Variants in CACNA2D3 observed in about 807,000 individuals in gnomAD.
The protein encoded by CACNA2D3 is voltage-dependent calcium channel subunit alpha-2/delta-3.
In CACNA2D3, 60 loss-of-function variants were observed where a neutral mutation model predicts 160.6. The ratio of observed to expected loss-of-function variants is 0.37; its 90% CI spans 0.30 to 0.46. CACNA2D3 has a LOEUF of 0.46. Ranked by LOEUF, CACNA2D3 falls within the 20% of genes least tolerant of loss-of-function variation. The pLI, the probability that CACNA2D3 is intolerant of heterozygous loss-of-function variation, is 1.00. For missense variants in CACNA2D3, 1,205 were observed against 1,365.0 expected (o/e 0.88, Z 1.85); for synonymous variants, 558 against 492.9 (o/e 1.13, Z -1.75).
chr3:54,605,775 C>T (rs992219588), intron 9 of CACNA2D3, among the ~76,000 whole-genome samples: 7 of 152,124 alleles, frequency 4.6e-5, no homozygotes, highest in African/African-American at 4.8e-5. Flanking sequence ...TCCTAGTGCA[C>T]GTCAGAATTA....
chr3:54,879,949 TC>T (rs1699753499), intron 20 of CACNA2D3, among the ~76,000 whole-genome samples: 1 of 152,234 alleles, frequency 6.6e-6, no homozygotes, highest in South Asian at 2.1e-4. Flanking sequence ...TATGTAGCAT[TC>T]TAAAGTTTCC....
At chr3:54,644,515 G>A (rs925928371) in intron 11 of CACNA2D3, among the ~76,000 whole-genome samples, 4 of 152,168 alleles carry the variant, frequency 2.6e-5, no homozygotes, top group Non-Finnish European at 4.4e-5. Flanking sequence ...GTGAGATGAT[G>A]AGCAATGTCT....
At chr3:54,922,778 A>G (rs1197763900) in intron 27 of CACNA2D3, among the ~76,000 whole-genome samples, 1 of 152,010 alleles carries the variant, frequency 6.6e-6, no homozygotes, top group Non-Finnish European at 1.5e-5. Context: ...ACATGCCCCA[A>G]GCTGAAGTCC....
At chr3:54,637,912 G>A (rs1699414470) in intron 10 of CACNA2D3, 1 of 152,072 alleles carries the variant, frequency 6.6e-6, no homozygotes, top group Non-Finnish European at 1.5e-5. Context: ...GGCGTTCCTT[G>A]GCCCAGTGGC....
At chr3:54,623,726 G>C (rs1699038592) in intron 9 of CACNA2D3, among the ~76,000 whole-genome samples, 1 of 152,232 alleles carries the variant, frequency 6.6e-6, no homozygotes, top group African/African-American at 2.4e-5. Context: ...GCAGTGTCCA[G>C]TGCAGTAGCC....
intron 11 of CACNA2D3, among the ~76,000 whole-genome samples, chr3:54,656,875 A>G (rs907627682): frequency 1.3e-5 from 2 of 152,212 alleles, no homozygotes; most frequent in Admixed American, 6.5e-5. Flanking sequence ...GGATGTATGT[A>G]TATGCTCATG....
intron 27 of CACNA2D3, among the ~76,000 whole-genome samples, chr3:54,946,729 G>A (rs1423395122): frequency 6.6e-6 from 1 of 151,888 alleles, no homozygotes; most frequent in Non-Finnish European, 1.5e-5. Flanking sequence ...TCCACTGGAT[G>A]CAAAGAATCC....
intron 2 of CACNA2D3, among the ~76,000 whole-genome samples, chr3:54,171,758 TC>T (rs1317105934): frequency 2.0e-5 from 3 of 152,296 alleles, no homozygotes; most frequent in Admixed American, 2.0e-4. Flanking sequence ...GCATGCCACT[TC>T]CATGGGATAT....
At chr3:54,965,823 T>C (rs1230279340) in intron 27 of CACNA2D3, among the ~76,000 whole-genome samples, 1 of 152,044 alleles carries the variant, frequency 6.6e-6, no homozygotes. Context: ...CCAGGAGCCT[T>C]TGGGCAACAA....
chr3:54,635,451 G>A (rs1699350032), intron 10 of CACNA2D3, among the ~76,000 whole-genome samples: 1 of 152,016 alleles, frequency 6.6e-6, no homozygotes, highest in Non-Finnish European at 1.5e-5. Context: ...GAGTAGTTGA[G>A]AATGGAAAAT....
At chr3:54,675,194 C>A (rs1700218638) in intron 11 of CACNA2D3, among the ~76,000 whole-genome samples, 1 of 152,074 alleles carries the variant, frequency 6.6e-6, no homozygotes, top group East Asian at 1.9e-4. Context: ...GTTTGGGAGA[C>A]AGGGCCATCA....
chr3:54,144,267 T>C, intron 2 of CACNA2D3, among the ~76,000 whole-genome samples: 1 of 152,246 alleles, frequency 6.6e-6, no homozygotes, highest in South Asian at 2.1e-4. Context: ...TGTGTGGCTG[T>C]GTCCCCTTTT....
intron 4 of CACNA2D3, among the ~76,000 whole-genome samples, chr3:54,431,908 G>T (rs114583943): frequency 1.3e-5 from 2 of 152,058 alleles, no homozygotes; most frequent in Admixed American, 6.6e-5. Flanking sequence ...ACACCTGGCC[G>T]ACTTTATAGC....
intron 3 of CACNA2D3, among the ~76,000 whole-genome samples, chr3:54,338,169 C>T (rs1191760553): frequency 1.3e-5 from 2 of 152,246 alleles, no homozygotes; most frequent in Non-Finnish European, 1.5e-5. Context: ...GGTTAAATTA[C>T]AGCAATCACT....
At chr3:54,585,051 A>G (rs1171995148) in intron 9 of CACNA2D3, among the ~76,000 whole-genome samples, 1 of 152,310 alleles carries the variant, frequency 6.6e-6, no homozygotes, top group East Asian at 1.9e-4. Context: ...GAAATAAGGA[A>G]AGAAAGCTTG....
At chr3:54,872,954 C>T (rs1699573380) in intron 18 of CACNA2D3, among the ~76,000 whole-genome samples, 1 of 152,088 alleles carries the variant, frequency 6.6e-6, no homozygotes, top group African/African-American at 2.4e-5. Context: ...TGTGCCCACC[C>T]TGGCTTAGCG....
chr3:54,346,183 G>A (rs1054207088), intron 3 of CACNA2D3, among the ~76,000 whole-genome samples: 3 of 152,158 alleles, frequency 2.0e-5, no homozygotes, highest in Non-Finnish European at 4.4e-5. Flanking sequence ...GTTACTTCCC[G>A]AGATGACCGT....
At chr3:54,959,949 C>T (rs1701991230) in intron 27 of CACNA2D3, among the ~76,000 whole-genome samples, 1 of 151,982 alleles carries the variant, frequency 6.6e-6, no homozygotes, top group Admixed American at 6.6e-5. Context: ...TATTCCATTC[C>T]ACAACCCTGC....
intron 11 of CACNA2D3, among the ~76,000 whole-genome samples, chr3:54,697,807 A>G (rs1014081892): frequency 1.4e-4 from 22 of 152,194 alleles, no homozygotes; most frequent in Admixed American, 1.2e-3. Context: ...AGGGTAGGAG[A>G]TGGAAGGAGG....
Sources: gnomAD v4.1 joint callset for allele counts (sites outside exome capture counted in the v4.1 genomes callset) on GRCh38, gnomAD v4.1.1 for gene constraint, MANE v1.5 for transcripts, NCBI Gene and HGNC (gene_info 2026-07-23, HGNC 2026-07-21) for gene names.